The following DIP2C variants were observed in gnomAD, a reference collection of about 807,000 sequenced individuals.
DIP2C encodes the protein disco-interacting protein 2 homolog C.
A neutral mutation model predicts 192.4 loss-of-function variants in DIP2C; 33 were observed. The observed-to-expected ratio is 0.17, with a 90% confidence interval of 0.13 to 0.23. DIP2C has a LOEUF of 0.23. Among genes scored for constraint, DIP2C ranks in the 10% least tolerant of loss-of-function variants. The pLI, the probability that DIP2C is intolerant of heterozygous loss-of-function variation, is 1.00. For missense variants in DIP2C, 1,537 were observed against 2,110.1 expected (o/e 0.73, Z 5.32); for synonymous variants, 979 against 864.1 (o/e 1.13, Z -2.33).
rs557756944 is a variant in DIP2C at position 624,416 on chromosome 10, A to G, written c.85+65078T>C. On this transcript the variant is annotated intron_variant, in intron 1 of 36. Transcript: ENST00000280886. ...TCCAGGGGCCCCAAAACACAAGCAC[A>G]GCCTGAGGAAGGCAGCGCCCGCTCA... Among the ~76,000 whole-genome samples the G allele has an allele frequency of 3.7e-4, 57 of 152,354 alleles. 1 individual carries two copies. The highest frequency in any genetic ancestry group is 2.6e-4 in the Admixed American group (4 of 15,304).
intron 31 of DIP2C, among the ~76,000 whole-genome samples, chr10:315,016 C>G (rs551388858): frequency 2.6e-5 from 4 of 152,302 alleles, no homozygotes; most frequent in African/African-American, 9.6e-5. Context: ...TCCTCCCTTC[C>G]TGCCTCCTTT....
At chr10:440,806 G>A in intron 4 of DIP2C, 65 bp downstream of exon 4, 2 of 1,537,192 alleles carry the variant, frequency 1.3e-6, no homozygotes, top group Non-Finnish European at 1.7e-6. Context: ...CCTGATTGCT[G>A]GGCTAGGTCA....
chr10:484,714 T>G (rs1843870864), intron 2 of DIP2C: 1 of 1,541,960 alleles, frequency 6.5e-7, no homozygotes, highest in Admixed American at 1.9e-5. Context: ...GGGATGGCAC[T>G]CGGCGGGTGG....
intron 8 of DIP2C, 151 bp downstream of exon 8, chr10:413,761 CG>C (rs1564678091): frequency 2.2e-6 from 2 of 908,388 alleles, no homozygotes; most frequent in Non-Finnish European, 3.3e-6. Flanking sequence ...TTCGTGCGTT[CG>C]GGAGTGGCTG....
At chr10:654,434 G>A (rs1052343127) in intron 1 of DIP2C, among the ~76,000 whole-genome samples, 8 of 152,132 alleles carry the variant, frequency 5.3e-5, no homozygotes, top group Non-Finnish European at 1.2e-4. Context: ...GAAAAGGCCC[G>A]GACTTCCTAC....
chr10:480,916 G>A (rs1029545281), intron 2 of DIP2C, among the ~76,000 whole-genome samples: 1 of 152,134 alleles, frequency 6.6e-6, no homozygotes, highest in African/African-American at 2.4e-5. Context: ...ATGCCATCTG[G>A]ACACCCACGT....
At chr10:467,771 G>A (rs2133415417) in intron 3 of DIP2C, among the ~76,000 whole-genome samples, 1 of 152,142 alleles carries the variant, frequency 6.6e-6, no homozygotes, top group East Asian at 1.9e-4. Context: ...CATGGACACA[G>A]GGAGGGGAAC....
chr10:616,747 G>A (rs1227234076), intron 1 of DIP2C, among the ~76,000 whole-genome samples: 2 of 152,180 alleles, frequency 1.3e-5, no homozygotes, highest in East Asian at 1.9e-4. Context: ...AAAGTACCCA[G>A]GCCAGGCAAG....
chr10:332,957 C>A (rs943149714), intron 29 of DIP2C, among the ~76,000 whole-genome samples: 2 of 152,196 alleles, frequency 1.3e-5, no homozygotes, highest in Non-Finnish European at 2.9e-5. Flanking sequence ...GGTTGGAGTG[C>A]AGTGGTGCAT....
intron 1 of DIP2C, among the ~76,000 whole-genome samples, chr10:532,513 T>C (rs1305019574): frequency 1.3e-5 from 2 of 151,138 alleles, no homozygotes; most frequent in Non-Finnish European, 3.0e-5. Flanking sequence ...AGAATTGGTA[T>C]TTTGTGTGGG....
intron 32 of DIP2C, among the ~76,000 whole-genome samples, chr10:308,708 C>G (rs1956439961): frequency 6.6e-6 from 1 of 152,232 alleles, no homozygotes; most frequent in Non-Finnish European, 1.5e-5. Flanking sequence ...GCCTGCAGGG[C>G]CTCCTGAGGG....
intron 1 of DIP2C, among the ~76,000 whole-genome samples, chr10:490,319 G>C (rs1054838702): frequency 2.0e-5 from 3 of 152,226 alleles, no homozygotes; most frequent in Non-Finnish European, 4.4e-5. Flanking sequence ...TCAGCATGCA[G>C]CTACGTAAAC....
intron 7 of DIP2C, among the ~76,000 whole-genome samples, chr10:414,852 T>C (rs991939148): frequency 3.0e-5 from 3 of 98,870 alleles, no homozygotes; most frequent in East Asian, 5.9e-4. Flanking sequence ...ACATATATAT[T>C]TGTGTGTGTG....
rs1239225760 is a variant in DIP2C, at chr10:369,986, T to A, written c.1992-353A>T. 4 of 985,310 alleles carry A rather than the reference T, an allele frequency of 4.1e-6. No homozygotes were observed. The East Asian group carries it at 3.4e-4, about 84-fold the overall frequency. 61.0% of individuals were successfully genotyped at this position (985,310 alleles called of 1,614,324 possible). A position where few individuals can be genotyped will look rare whatever the true frequency, so the allele number is the denominator to read the frequency against. ...CAGCTCTCTCTTTCCTCCCGGCTCC[T>A]GCTCACTCCACGGTCTGCTCTTCTA... On this transcript the variant is annotated intron_variant, in intron 17 of 36. Transcript: ENST00000280886.
At chr10:361,927 G>A (rs181736090) in intron 22 of DIP2C, among the ~76,000 whole-genome samples, 1 of 151,830 alleles carries the variant, frequency 6.6e-6, no homozygotes, top group Admixed American at 6.6e-5. Context: ...ATAAAAACCA[G>A]GGACCGCGAG....
At chr10:323,574 G>C (rs1957124004) in intron 31 of DIP2C, among the ~76,000 whole-genome samples, 1 of 152,182 alleles carries the variant, frequency 6.6e-6, no homozygotes, top group Non-Finnish European at 1.5e-5. Context: ...TAAATATTTA[G>C]GTACAAGGTT....
intron 1 of DIP2C, among the ~76,000 whole-genome samples, chr10:607,181 T>C (rs1852554754): frequency 6.6e-6 from 1 of 152,174 alleles, no homozygotes; most frequent in Non-Finnish European, 1.5e-5. Flanking sequence ...AAGTCGTCCT[T>C]CCTCCTGCTT....
rs1291587617 is a variant in DIP2C, at chr10:277,434, T to TCCACCACGA, written c.4553_4561dup (p.Val1518_Val1520dup). ...GGAGTTGATGGGGATGACGCCGATG[T>TCCACCACGA]CCACCACGACCACCACTCCGACGAT... On this transcript the variant is annotated inframe_insertion, in exon 37 of 37. Coordinates refer to ENST00000280886, the MANE Select transcript of DIP2C (RefSeq NM_014974.3). The TCCACCACGA allele has an allele frequency of 6.2e-7, 1 of 1,614,122 alleles. No homozygotes were observed. The highest frequency in any genetic ancestry group is 8.5e-7 in the Non-Finnish European group (1 of 1,180,032).
intron 4 of DIP2C, among the ~76,000 whole-genome samples, chr10:424,322 T>C (rs186224705): frequency 1.4e-3 from 205 of 150,536 alleles, no homozygotes; most frequent in African/African-American, 4.7e-3. Flanking sequence ...AAAGCAACAA[T>C]GTTAAGAGCC....
Sources: allele counts gnomAD v4.1 joint callset (sites outside exome capture counted in the v4.1 genomes callset), GRCh38; gene constraint gnomAD v4.1.1; transcripts MANE v1.5; gene names NCBI Gene and HGNC (gene_info 2026-07-23, HGNC 2026-07-21).